The following SLC4A10 variants were observed in gnomAD, a reference collection of about 807,000 sequenced individuals.
The protein encoded by SLC4A10 is sodium-driven chloride bicarbonate exchanger.
In SLC4A10, 42 loss-of-function variants were observed where a neutral mutation model predicts 137.7. The observed-to-expected ratio is 0.30, with a 90% CI of 0.24 to 0.39. SLC4A10 has a LOEUF of 0.39. Among genes scored for constraint, SLC4A10 ranks in the 10% least tolerant of loss-of-function variants. The pLI, the probability that SLC4A10 is intolerant of heterozygous loss-of-function variation, is 1.00. For missense variants in SLC4A10, 925 were observed against 1,355.0 expected (o/e 0.68, Z 4.98); for synonymous variants, 474 against 464.1 (o/e 1.02, Z -0.27).
chr2:161,794,753 C>G (rs2054577716), intron 2 of SLC4A10, among the ~76,000 whole-genome samples: 1 of 152,034 alleles, frequency 6.6e-6, no homozygotes, highest in Non-Finnish European at 1.5e-5. Flanking sequence ...TCCTCAATAG[C>G]CTTAATTTGT....
intron 1 of SLC4A10, among the ~76,000 whole-genome samples, chr2:161,747,851 T>G (rs780695636): frequency 1.3e-5 from 2 of 152,116 alleles, no homozygotes; most frequent in African/African-American, 4.8e-5. Context: ...TCTATTTTAC[T>G]TTTTTTGAGA....
At chr2:161,975,547 A>G (rs1362505518) in intron 24 of SLC4A10, among the ~76,000 whole-genome samples, 1 of 152,202 alleles carries the variant, frequency 6.6e-6, no homozygotes, top group East Asian at 1.9e-4. Flanking sequence ...AAAGTAGTCA[A>G]TCTGGTGCTT....
At chr2:161,840,436 A>C (rs1425795056) in intron 4 of SLC4A10, among the ~76,000 whole-genome samples, 4 of 152,252 alleles carry the variant, frequency 2.6e-5, no homozygotes, top group African/African-American at 9.6e-5. Context: ...ATCTTTTAAA[A>C]TCACTTTTTC....
intron 1 of SLC4A10, among the ~76,000 whole-genome samples, chr2:161,714,650 A>G (rs1205285655): frequency 6.6e-6 from 1 of 151,948 alleles, no homozygotes; most frequent in East Asian, 1.9e-4. Flanking sequence ...CTACTGTATA[A>G]CATGGAGGAA....
intron 1 of SLC4A10, among the ~76,000 whole-genome samples, chr2:161,645,472 C>T (rs1471756030): frequency 1.3e-5 from 2 of 151,872 alleles, no homozygotes; most frequent in Non-Finnish European, 2.9e-5. Flanking sequence ...TTGTTAGCCT[C>T]ATCCTGATAT....
chr2:161,822,924 A>G (rs72879209), intron 3 of SLC4A10, among the ~76,000 whole-genome samples: 10,096 of 152,210 alleles, frequency 0.066, 441 homozygotes, highest in East Asian at 0.15. Context: ...GCAGTGAGCC[A>G]AGACAGTGCC....
intron 2 of SLC4A10, among the ~76,000 whole-genome samples, chr2:161,799,962 A>G (rs1276019274): frequency 6.6e-6 from 1 of 151,990 alleles, no homozygotes; most frequent in Non-Finnish European, 1.5e-5. Flanking sequence ...AGGAAGAGAA[A>G]GTTTATCTCC....
At chr2:161,824,868 G>A (rs2057909584) in intron 3 of SLC4A10, among the ~76,000 whole-genome samples, 1 of 152,120 alleles carries the variant, frequency 6.6e-6, no homozygotes, top group South Asian at 2.1e-4. Context: ...AAGTGTGTCT[G>A]CCTCTCTTGC....
chr2:161,633,089 T>C (rs1183223891), intron 1 of SLC4A10, among the ~76,000 whole-genome samples: 1 of 151,638 alleles, frequency 6.6e-6, no homozygotes, highest in East Asian at 1.9e-4. Flanking sequence ...ACATTCAGTA[T>C]ACTACTCAAC....
In SLC4A10 at chr2:161,725,822, C is replaced by T. The variant is rs2046163198; in HGVS notation, c.49-45151C>T. Among the ~76,000 whole-genome samples the T allele has an allele frequency of 2.0e-5, 3 of 152,164 alleles. No homozygotes were observed. The South Asian group carries it at 6.2e-4, about 32-fold the overall frequency. On this transcript the variant is annotated intron_variant, in intron 1 of 26. Coordinates refer to ENST00000446997, the MANE Select transcript of SLC4A10 (RefSeq NM_001178015.2). ...CTGGAATACCCTATTCACCCTGATCCTTTTTGTCCTTTAATTGTTGGTTTT... is the reference window on the plus strand; with the variant it reads ...CTGGAATACCCTATTCACCCTGATCTTTTTTGTCCTTTAATTGTTGGTTTT...
intron 14 of SLC4A10, 62 bp downstream of exon 14, chr2:161,904,971 T>C (rs1683998864): frequency 6.6e-7 from 1 of 1,519,236 alleles, no homozygotes; most frequent in Admixed American, 1.9e-5. Context: ...TATTTATACT[T>C]CTCCCAACAT....
At chr2:161,924,090 A>T (rs921703524) in intron 15 of SLC4A10, among the ~76,000 whole-genome samples, 4 of 152,148 alleles carry the variant, frequency 2.6e-5, no homozygotes, top group Non-Finnish European at 5.9e-5. Context: ...GATGAGATTA[A>T]CAAAAAAGCT....
intron 4 of SLC4A10, among the ~76,000 whole-genome samples, chr2:161,853,508 A>T (rs1380393869): frequency 6.6e-6 from 1 of 152,194 alleles, no homozygotes; most frequent in Non-Finnish European, 1.5e-5. Context: ...ATTAAAAGGG[A>T]GCCAGGTAGT....
At chr2:161,895,581 C>T (rs1462672635) in intron 11 of SLC4A10, among the ~76,000 whole-genome samples, 3 of 152,120 alleles carry the variant, frequency 2.0e-5, no homozygotes, top group Non-Finnish European at 2.9e-5. Flanking sequence ...CCTGTTGTTT[C>T]CTGACTTTTT....
At chr2:161,881,763 GA>G (rs1400588766) in intron 9 of SLC4A10, among the ~76,000 whole-genome samples, 6 of 151,964 alleles carry the variant, frequency 3.9e-5, no homozygotes, top group Non-Finnish European at 2.9e-5. Flanking sequence ...ACCTAATATA[GA>G]TGGAATATTA....
chr2:161,847,751 A>C (rs568815316), intron 4 of SLC4A10, among the ~76,000 whole-genome samples: 26 of 152,184 alleles, frequency 1.7e-4, no homozygotes, highest in Admixed American at 9.2e-4. Context: ...TATATGTACT[A>C]CATTTTCTTT....
intron 11 of SLC4A10, 57 bp from the exon 12 acceptor site, chr2:161,900,854 C>A (rs1156568892): frequency 1.8e-5 from 22 of 1,200,846 alleles, no homozygotes; most frequent in Non-Finnish European, 2.4e-5. Flanking sequence ...TTATTATTTA[C>A]AATTAACACC....
intron 1 of SLC4A10, among the ~76,000 whole-genome samples, chr2:161,664,678 C>G (rs2038840338): frequency 6.8e-6 from 1 of 147,332 alleles, no homozygotes; most frequent in South Asian, 2.1e-4. Flanking sequence ...AAAATATTGA[C>G]TTATTGTCTA....
intron 2 of SLC4A10, among the ~76,000 whole-genome samples, chr2:161,798,327 G>C (rs1009699982): frequency 6.6e-6 from 1 of 151,898 alleles, no homozygotes; most frequent in Non-Finnish European, 1.5e-5. Context: ...TTCATTTCAT[G>C]TAAAAAGCAA....
Sources: gnomAD v4.1 joint callset for allele counts (sites outside exome capture counted in the v4.1 genomes callset) on GRCh38, gnomAD v4.1.1 for gene constraint, MANE v1.5 for transcripts, NCBI Gene and HGNC (gene_info 2026-07-23, HGNC 2026-07-21) for gene names.